ESRRB: variants seen among roughly 807,000 people sequenced by gnomAD.
ESRRB encodes estrogen related receptor beta.
ESRRB carries 16 observed loss-of-function variants against 46.0 expected under a neutral mutation model. The observed-to-expected ratio is 0.35, with a 90% confidence interval of 0.24 to 0.53. The LOEUF is 0.53. Ranked by LOEUF, ESRRB falls within the 20% of genes least tolerant of loss-of-function variation. The probability of loss-of-function intolerance (pLI) is 0.93; values close to 1 mark genes in which losing one functional copy is unlikely to be tolerated. For synonymous variants in ESRRB, 246 were observed against 259.6 expected, an observed-to-expected ratio of 0.95 and a Z score of 0.50; for missense variants, 488 against 607.4, an observed-to-expected ratio of 0.80 and a Z score of 2.07.
rs185529541 is a variant in ESRRB at position 76,312,477 on chromosome 14, C to T, written c.2+1561C>T. 7.3e-5 allele frequency among the ~76,000 whole-genome samples: 11 copies of T among 151,536 alleles called. No individual in the cohort carries two copies. In the South Asian group the frequency reaches 1.3e-3, roughly 17 times the overall value. On this transcript the variant is annotated intron_variant, in intron 1 of 6. Coordinates refer to the ESRRB transcript ENST00000512784. The stretch of plus-strand genomic sequence containing the variant: ...AAGCAATGAGAAATTAGAAGGCAAA[C>T]GTCCCATGTTCAGCCAGTAAGACCG...
chr14:76,416,066 T>A (rs1367008286), intron 1 of ESRRB, among the ~76,000 whole-genome samples: 1 of 152,194 alleles, frequency 6.6e-6, no homozygotes, highest in African/African-American at 2.4e-5. Context: ...TCTATGTCCA[T>A]TTTGGAACAT....
At chr14:76,434,134 C>T (rs1229041723) in intron 1 of ESRRB, among the ~76,000 whole-genome samples, 2 of 152,066 alleles carry the variant, frequency 1.3e-5, no homozygotes, top group Admixed American at 1.3e-4. Context: ...TGAGCCACTG[C>T]ACCTGGCCTG....
intron 1 of ESRRB, chr14:76,407,636 G>A (rs1180272770): frequency 1.3e-5 from 12 of 945,960 alleles, no homozygotes; most frequent in South Asian, 4.9e-5. Flanking sequence ...CCACATGGCC[G>A]ATTCACACTC....
At chr14:76,479,213 C>T (rs1345220652) in intron 3 of ESRRB, among the ~76,000 whole-genome samples, 1 of 134,248 alleles carries the variant, frequency 7.4e-6, no homozygotes, top group Non-Finnish European at 1.6e-5. Context: ...TCAGCACTGT[C>T]TGTTTGTGTG....
intron 1 of ESRRB, among the ~76,000 whole-genome samples, chr14:76,404,044 A>G (rs989899935): frequency 6.6e-6 from 1 of 152,032 alleles, no homozygotes; most frequent in Non-Finnish European, 1.5e-5. Context: ...TTGTGCTCCA[A>G]TCATTGGTGT....
At chr14:76,352,223 TAC>T (rs780747094) in intron 1 of ESRRB, among the ~76,000 whole-genome samples, 1 of 152,162 alleles carries the variant, frequency 6.6e-6, no homozygotes, top group Non-Finnish European at 1.5e-5. Context: ...TCAGAACAAG[TAC>T]ACGTAATTTA....
chr14:76,434,866 G>C (rs1284237050), intron 1 of ESRRB, among the ~76,000 whole-genome samples: 1 of 152,146 alleles, frequency 6.6e-6, no homozygotes, highest in Non-Finnish European at 1.5e-5. Context: ...GTCAGGTTCG[G>C]ACTGCAGCTT....
chr14:76,360,788 A>G (rs1314908947), intron 1 of ESRRB, among the ~76,000 whole-genome samples: 1 of 152,200 alleles, frequency 6.6e-6, no homozygotes, highest in African/African-American at 2.4e-5. Context: ...GTTGATAGAT[A>G]AAGAGGCCTG....
At position 76,498,234 on chromosome 14, in the gene ESRRB, C is replaced by T. The variant is rs1890508542; in HGVS notation, c.1141C>T (p.Leu381=). 1.9e-6 allele frequency: 3 copies of T among 1,613,758 alleles called. No homozygotes were observed. Among genetic ancestry groups the T allele is most frequent in the Admixed American group, 1.7e-5 (1 of 60,008 alleles). ...TGCAGATTCCATGTACATCGAGGAT[C>T]TAGAGGCTGTCCAGAAGCTGCAGGA... ...ANSDSMYIED[L]EAVQKLQDLL... The change falls in exon 7 of 7, where the codon CTA becomes TTA. Residue 381 remains leucine, a synonymous_variant. Coordinates refer to ENST00000644823, the MANE Select transcript of ESRRB (RefSeq NM_001379180.1).
At chr14:76,371,168 G>A (rs947208154), upstream of ESRRB, among the ~76,000 whole-genome samples, 43 of 152,154 alleles carry the variant, frequency 2.8e-4, no homozygotes, top group African/African-American at 9.9e-4. Context: ...TCATGTTTCC[G>A]CAGCATTTAT....
In ESRRB at chr14:76,332,751, TTATATATA is replaced by T. The variant is rs1884042977; in HGVS notation, c.2+21836_2+21843del. Among the ~76,000 whole-genome samples the T allele has an allele frequency of 1.5e-3, 20 of 13,512 alleles. 2 individuals are homozygous for T. Among genetic ancestry groups the T allele is most frequent in the Admixed American group, 4.3e-3 (2 of 460 alleles). 8.9% of individuals were successfully genotyped at this position (13,512 alleles called of 152,430 possible). A position where few individuals can be genotyped will look rare whatever the true frequency, so the allele number is the denominator to read the frequency against. On this transcript the variant is annotated intron_variant, in intron 1 of 6. Transcript: ENST00000512784. ...TATTTATATATTATATATTTATATATTATATATAAATATATAATATATATTATATATTA... is the reference window on the plus strand; with the variant it reads ...TATTTATATATTATATATTTATATATAATATATAATATATATTATATATTA...
At chr14:76,357,778 G>A (rs1436242168) in intron 1 of ESRRB, among the ~76,000 whole-genome samples, 1 of 152,166 alleles carries the variant, frequency 6.6e-6, no homozygotes, top group Non-Finnish European at 1.5e-5. Context: ...GGCCTCCCGA[G>A]TAGCTGGGAT....
chr14:76,440,744 G>A (rs1887890113), intron 2 of ESRRB, among the ~76,000 whole-genome samples: 1 of 136,524 alleles, frequency 7.3e-6, no homozygotes, highest in Non-Finnish European at 1.6e-5. Flanking sequence ...TCTCTCTTTC[G>A]ATGAGAGTCT....
chr14:76,322,053 T>C (rs1883874053), intron 1 of ESRRB, among the ~76,000 whole-genome samples: 1 of 152,162 alleles, frequency 6.6e-6, no homozygotes. Flanking sequence ...TGAATACCCT[T>C]TTGTATCATT....
At chr14:76,396,880 A>T (rs1000549007) in intron 1 of ESRRB, among the ~76,000 whole-genome samples, 3 of 152,070 alleles carry the variant, frequency 2.0e-5, no homozygotes, top group Non-Finnish European at 4.4e-5. Context: ...TCTCCACTTC[A>T]CGCCTCATGG....
chr14:76,361,120 C>T (rs1340620753), intron 1 of ESRRB, among the ~76,000 whole-genome samples: 2 of 152,220 alleles, frequency 1.3e-5, no homozygotes, highest in Non-Finnish European at 2.9e-5. Context: ...TGAAAGAATA[C>T]ATTTGAGAAG....
intron 1 of ESRRB, among the ~76,000 whole-genome samples, chr14:76,394,685 G>C (rs946477623): frequency 2.0e-5 from 3 of 152,194 alleles, no homozygotes; most frequent in African/African-American, 7.2e-5. Flanking sequence ...CTTGCATCTT[G>C]TGGATGCAAA....
At chr14:76,352,409 A>G (rs1314730077) in intron 1 of ESRRB, among the ~76,000 whole-genome samples, 4 of 152,214 alleles carry the variant, frequency 2.6e-5, no homozygotes, top group Non-Finnish European at 5.9e-5. Flanking sequence ...GCGGGAACGT[A>G]TCTACTCAAC....
intron 1 of ESRRB, chr14:76,407,510 T>C (rs1441637327): frequency 1.0e-6 from 1 of 984,212 alleles, no homozygotes; most frequent in African/African-American, 1.7e-5. Context: ...CTAAGTGCGA[T>C]CTTACTCTAG....
Sources: gnomAD v4.1 joint callset for allele counts (sites outside exome capture counted in the v4.1 genomes callset) on GRCh38, gnomAD v4.1.1 for gene constraint, MANE v1.5 for transcripts, NCBI Gene and HGNC (gene_info 2026-07-23, HGNC 2026-07-21) for gene names.